RAPGEF5: variants seen among roughly 807,000 people sequenced by gnomAD.
RAPGEF5 encodes Rap guanine nucleotide exchange factor 5, also known as M-Ras-regulated GEF.
Under a neutral mutation model 125.2 loss-of-function variants are expected in RAPGEF5, and 65 were observed. That is an observed-to-expected ratio of 0.52 (90% confidence interval 0.43 to 0.64). The LOEUF is 0.64. Ranked by LOEUF, RAPGEF5 falls within the 30% of genes least tolerant of loss-of-function variation. RAPGEF5 has a pLI of 0.00. For synonymous variants in RAPGEF5, 391 were observed against 385.9 expected (o/e 1.01, Z -0.16); for missense variants, 958 against 1,048.1 (o/e 0.91, Z 1.19).
At chr7:22,236,129 G>A (rs982411502) in intron 7 of RAPGEF5, among the ~76,000 whole-genome samples, 1 of 152,126 alleles carries the variant, frequency 6.6e-6, no homozygotes, top group Non-Finnish European at 1.5e-5. Context: ...CTGAACTTGA[G>A]ACTGTTGACT....
rs965736320 is a variant in RAPGEF5, at chr7:22,131,167, G to T, written c.2417-66C>A. ...TGGATCATGAGTCAGGGCTGAAGAG[G>T]TCTAGGTACAATGCAACTTATTCAT... On this transcript the variant is annotated intron_variant, in intron 23 of 25. Transcript: ENST00000665637. 4.2e-6 allele frequency: 6 copies of T among 1,444,274 alleles called. No homozygotes were observed. The African/African-American group carries it at 7.2e-5, about 17-fold the overall frequency. 89.5% of individuals were successfully genotyped at this position (1,444,274 alleles called of 1,614,324 possible).
chr7:22,190,684 G>A (rs761295237), intron 11 of RAPGEF5, among the ~76,000 whole-genome samples: 2 of 152,128 alleles, frequency 1.3e-5, no homozygotes, highest in Non-Finnish European at 2.9e-5. Context: ...AGCACAGAGG[G>A]CCTCCTCTAT....
chr7:22,310,839 ATCTG>A (rs1297325777), intron 3 of RAPGEF5, among the ~76,000 whole-genome samples: 3 of 152,166 alleles, frequency 2.0e-5, no homozygotes, highest in Non-Finnish European at 4.4e-5. Context: ...TATTTTTGTA[ATCTG>A]TCTTAAAACA....
chr7:22,143,735 C>A (rs1172635553), intron 20 of RAPGEF5, among the ~76,000 whole-genome samples: 1 of 152,216 alleles, frequency 6.6e-6, no homozygotes, highest in African/African-American at 2.4e-5. Context: ...TTCCCACACC[C>A]TTGGGGTATG....
intron 5 of RAPGEF5, among the ~76,000 whole-genome samples, chr7:22,304,176 G>GA (rs796204468): frequency 0.013 from 1,901 of 147,144 alleles, 37 homozygotes; most frequent in African/African-American, 0.044. Flanking sequence ...TGGTAGTATT[G>GA]AAAAAAAAAA....
intron 3 of RAPGEF5, among the ~76,000 whole-genome samples, chr7:22,312,280 C>G (rs1783489403): frequency 6.6e-6 from 1 of 151,826 alleles, no homozygotes; most frequent in Non-Finnish European, 1.5e-5. Context: ...GCGATCTCGG[C>G]TCACTGCAAA....
intron 9 of RAPGEF5, among the ~76,000 whole-genome samples, chr7:22,209,341 C>G (rs535464726): frequency 6.6e-6 from 1 of 152,318 alleles, no homozygotes; most frequent in East Asian, 1.9e-4. Context: ...TTATCCCTTT[C>G]TTGGCTCATC....
intron 23 of RAPGEF5, among the ~76,000 whole-genome samples, chr7:22,135,178 T>C (rs968052424): frequency 4.6e-5 from 7 of 152,194 alleles, no homozygotes; most frequent in East Asian, 3.8e-4. Context: ...TCTAGAATCA[T>C]GTGTATGGGT....
At chr7:22,272,370 A>G (rs1286821049) in intron 6 of RAPGEF5, among the ~76,000 whole-genome samples, 7 of 109,236 alleles carry the variant, frequency 6.4e-5, no homozygotes, top group African/African-American at 9.5e-5. Context: ...AAAAGAAGGA[A>G]AAAAAAGAAA....
chr7:22,250,811 C>T (rs1786599735), intron 7 of RAPGEF5, among the ~76,000 whole-genome samples: 1 of 152,122 alleles, frequency 6.6e-6, no homozygotes, highest in Admixed American at 6.5e-5. Context: ...GGGGAGCTTC[C>T]TAGTACTTGG....
At chr7:22,136,174 AG>A in intron 22 of RAPGEF5, 49 bp from the exon 23 acceptor site, 1 of 1,371,288 alleles carries the variant, frequency 7.3e-7, no homozygotes, top group South Asian at 1.2e-5. Context: ...AATGTGCTAT[AG>A]AAACAATTCT....
intron 14 of RAPGEF5, among the ~76,000 whole-genome samples, chr7:22,159,884 G>A (rs553987246): frequency 1.3e-5 from 2 of 152,202 alleles, no homozygotes; most frequent in East Asian, 1.9e-4. Context: ...TGAGGTGGGC[G>A]AATCACCTGA....
intron 7 of RAPGEF5, among the ~76,000 whole-genome samples, chr7:22,242,485 G>C (rs935774860): frequency 2.6e-5 from 4 of 152,096 alleles, no homozygotes; most frequent in Non-Finnish European, 5.9e-5. Flanking sequence ...TAGAGACCCT[G>C]ACCCAGCTGA....
intron 6 of RAPGEF5, among the ~76,000 whole-genome samples, chr7:22,279,354 T>A (rs950544472): frequency 6.6e-6 from 1 of 152,220 alleles, no homozygotes; most frequent in Non-Finnish European, 1.5e-5. Flanking sequence ...CAAATTAAAT[T>A]AAAATGGTGC....
chr7:22,242,215 G>A (rs1455063397), intron 7 of RAPGEF5, among the ~76,000 whole-genome samples: 1 of 152,202 alleles, frequency 6.6e-6, no homozygotes, highest in Non-Finnish European at 1.5e-5. Context: ...TTGGCACACA[G>A]AGAAGACTGC....
At chr7:22,266,889 G>A in intron 7 of RAPGEF5, 75 bp downstream of exon 7, 2 of 1,426,646 alleles carry the variant, frequency 1.4e-6, no homozygotes, top group East Asian at 2.3e-5. Flanking sequence ...ACACTCAACT[G>A]CACACTACCA....
intron 23 of RAPGEF5, among the ~76,000 whole-genome samples, chr7:22,134,000 G>A (rs1052454270): frequency 1.3e-5 from 2 of 152,110 alleles, no homozygotes; most frequent in Admixed American, 6.5e-5. Context: ...AGTTCAATTT[G>A]GTCCCATTTT....
intron 7 of RAPGEF5, among the ~76,000 whole-genome samples, chr7:22,242,292 TG>T (rs1786351120): frequency 6.6e-6 from 1 of 152,242 alleles, no homozygotes; most frequent in South Asian, 2.1e-4. Flanking sequence ...CTATTTTTCC[TG>T]AGTAGCTCTT....
At chr7:22,265,219 CGTCT>C (rs1408317310) in intron 7 of RAPGEF5, among the ~76,000 whole-genome samples, 2 of 151,840 alleles carry the variant, frequency 1.3e-5, no homozygotes, top group African/African-American at 2.4e-5. Flanking sequence ...GAATTTACTC[CGTCT>C]AACTATACTT....
Sources: allele counts gnomAD v4.1 joint callset (sites outside exome capture counted in the v4.1 genomes callset), GRCh38; gene constraint gnomAD v4.1.1; transcripts MANE v1.5; gene names NCBI Gene and HGNC (gene_info 2026-07-23, HGNC 2026-07-21).